OTUD7A: variants seen among roughly 807,000 people sequenced by gnomAD.
OTUD7A encodes OTU deubiquitinase 7A, also known as OTU domain-containing protein 7A.
A neutral mutation model predicts 65.7 loss-of-function variants in OTUD7A; 12 were observed. That is an observed-to-expected ratio of 0.18 (90% CI 0.12 to 0.30). The LOEUF (loss-of-function observed/expected upper bound fraction) is 0.30, where lower values mean the gene tolerates loss of function less well. OTUD7A is among the 10% of genes least tolerant of loss of function. The pLI, the probability that OTUD7A is intolerant of heterozygous loss-of-function variation, is 1.00. For missense variants in OTUD7A, 1,148 were observed against 1,304.8 expected, an observed-to-expected ratio of 0.88 and a Z score of 1.85; for synonymous variants, 641 against 586.3, an observed-to-expected ratio of 1.09 and a Z score of -1.35.
chr15:31,753,693 ATATATATATTATATATATATATATATAT>A (rs1452886570), intron 1 of OTUD7A, among the ~76,000 whole-genome samples: 2 of 14,958 alleles, frequency 1.3e-4, no homozygotes, highest in Admixed American at 5.2e-4. Context: ...TGAGATATAT[ATATATATATTATATATATATATATATAT>A]TATATATATA....
At chr15:31,783,929 G>A (rs750673329) in intron 1 of OTUD7A, among the ~76,000 whole-genome samples, 4 of 152,162 alleles carry the variant, frequency 2.6e-5, no homozygotes, top group Non-Finnish European at 4.4e-5. Flanking sequence ...GCTTCCCCAT[G>A]AAACTTCTTG....
chr15:31,687,457 G>T (rs1022716828), intron 1 of OTUD7A, among the ~76,000 whole-genome samples: 3 of 152,222 alleles, frequency 2.0e-5, no homozygotes, highest in African/African-American at 7.2e-5. Context: ...TGTGTCTTGT[G>T]TCTGATAATA....
At chr15:31,736,299 C>T (rs1191389039) in intron 1 of OTUD7A, among the ~76,000 whole-genome samples, 7 of 152,042 alleles carry the variant, frequency 4.6e-5, no homozygotes, top group African/African-American at 1.2e-4. Flanking sequence ...GTAACTCCAC[C>T]CCCCCAAAAA....
At chr15:31,654,463 G>A (rs1265659571) in intron 3 of OTUD7A, among the ~76,000 whole-genome samples, 6 of 151,798 alleles carry the variant, frequency 4.0e-5, no homozygotes, top group Admixed American at 1.3e-4. Flanking sequence ...TCCACAAATT[G>A]CAGTTTATAC....
chr15:31,648,493 C>T (rs1209134062), intron 3 of OTUD7A, among the ~76,000 whole-genome samples: 1 of 152,220 alleles, frequency 6.6e-6, no homozygotes, highest in Non-Finnish European at 1.5e-5. Context: ...GACCACCACT[C>T]TTTGTTCTAA....
intron 5 of OTUD7A, among the ~76,000 whole-genome samples, chr15:31,551,227 G>T (rs1888313185): frequency 6.6e-6 from 1 of 152,202 alleles, no homozygotes; most frequent in African/African-American, 2.4e-5. Context: ...ATGGCCCAGT[G>T]CTATTCTAAC....
At chr15:31,668,333 G>C (rs1385280172) in intron 1 of OTUD7A, among the ~76,000 whole-genome samples, 3 of 152,118 alleles carry the variant, frequency 2.0e-5, no homozygotes, top group Non-Finnish European at 2.9e-5. Flanking sequence ...TGGAGGCTTT[G>C]TTCATATTTT....
At chr15:31,661,608 G>A (rs551644864) in intron 1 of OTUD7A, among the ~76,000 whole-genome samples, 1 of 152,282 alleles carries the variant, frequency 6.6e-6, no homozygotes, top group Non-Finnish European at 1.5e-5. Flanking sequence ...CCCTTCTCCT[G>A]CTCACATAAT....
At chr15:31,726,089 T>C (rs1893876954) in intron 1 of OTUD7A, among the ~76,000 whole-genome samples, 1 of 151,528 alleles carries the variant, frequency 6.6e-6, no homozygotes, top group African/African-American at 2.4e-5. Context: ...TTTCTTAACC[T>C]ATGAATATTC....
intron 1 of OTUD7A, among the ~76,000 whole-genome samples, chr15:31,745,646 C>T (rs1004099714): frequency 1.3e-5 from 2 of 152,016 alleles, no homozygotes; most frequent in African/African-American, 4.8e-5. Context: ...TTTCTCAGAA[C>T]ACAGAAAGCA....
rs577902742 is a variant in OTUD7A at position 31,680,337 on chromosome 15, G to A, written c.-99-23260C>T. ...AACACTCTAATTATGTGTACAAAGA[G>A]GCATGTCTAAGGATGTTCCCTACAG... On this transcript the variant is annotated intron_variant, in intron 1 of 12. Transcript: ENST00000307050. 3.3e-5 allele frequency among the ~76,000 whole-genome samples: 5 copies of A among 152,172 alleles called. No individual in the cohort carries two copies. The South Asian group carries it at 1.0e-3, about 32-fold the overall frequency.
At chr15:31,768,033 A>T in intron 1 of OTUD7A, 1 of 1,601,074 alleles carries the variant, frequency 6.2e-7, no homozygotes. Flanking sequence ...TTATTTCTTA[A>T]TAGGTCATAA....
At chr15:31,580,617 C>T (rs1351471782) in intron 3 of OTUD7A, among the ~76,000 whole-genome samples, 1 of 152,120 alleles carries the variant, frequency 6.6e-6, no homozygotes, top group East Asian at 1.9e-4. Flanking sequence ...GGAGGCCTGA[C>T]AATCATGGTG....
chr15:31,510,384 T>G (rs2041667922), intron 8 of OTUD7A, among the ~76,000 whole-genome samples: 1 of 151,436 alleles, frequency 6.6e-6, no homozygotes, highest in Non-Finnish European at 1.5e-5. Context: ...TTTGCTTTTT[T>G]TTTTCCCCTT....
At chr15:31,576,818 C>T (rs148727763) in intron 3 of OTUD7A, among the ~76,000 whole-genome samples, 100 of 152,222 alleles carry the variant, frequency 6.6e-4, no homozygotes, top group African/African-American at 2.2e-3. Flanking sequence ...AAATAAAATC[C>T]TAATCCCCAC....
At chr15:31,623,701 C>T (rs1890869660) in intron 3 of OTUD7A, among the ~76,000 whole-genome samples, 1 of 152,210 alleles carries the variant, frequency 6.6e-6, no homozygotes, top group South Asian at 2.1e-4. Context: ...TTCCCTGACC[C>T]CTTGCACTTC....
At chr15:31,619,907 A>C (rs141747294) in intron 3 of OTUD7A, among the ~76,000 whole-genome samples, 43,619 of 152,066 alleles carry the variant, frequency 0.29, 7,387 homozygotes, top group African/African-American at 0.47. Flanking sequence ...GTGGGTCTGT[A>C]ATAGATAGCT....
chr15:31,772,109 G>A (rs985408864), intron 1 of OTUD7A, among the ~76,000 whole-genome samples: 14 of 120,706 alleles, frequency 1.2e-4, no homozygotes, highest in Admixed American at 8.5e-4. Context: ...AAAATTAGCC[G>A]GGCGTAGTGG....
intron 1 of OTUD7A, among the ~76,000 whole-genome samples, chr15:31,838,824 A>T (rs1381859977): frequency 1.3e-5 from 2 of 152,036 alleles, no homozygotes; most frequent in Non-Finnish European, 2.9e-5. Flanking sequence ...GTCCTAACTC[A>T]TTTTGAGGGT....
Sources: gnomAD v4.1 joint callset for allele counts (sites outside exome capture counted in the v4.1 genomes callset) on GRCh38, gnomAD v4.1.1 for gene constraint, MANE v1.5 for transcripts, NCBI Gene and HGNC (gene_info 2026-07-23, HGNC 2026-07-21) for gene names.